Variants in HMCN1 observed in about 807,000 individuals in gnomAD.
HMCN1 encodes hemicentin 1.
Under a neutral mutation model 625.9 loss-of-function variants are expected in HMCN1, and 321 were observed. That is an observed-to-expected ratio of 0.51 (90% CI 0.47 to 0.56). The LOEUF (loss-of-function observed/expected upper bound fraction) is 0.56. HMCN1 is among the 20% of genes least tolerant of loss of function. The pLI, the probability that HMCN1 is intolerant of heterozygous loss-of-function variation, is 0.00. For synonymous variants in HMCN1, 2,425 were observed against 2,417.6 expected (o/e 1.00, Z -0.09); for missense variants, 6,588 against 6,887.3 (o/e 0.96, Z 1.54).
intron 97 of HMCN1, among the ~76,000 whole-genome samples, chr1:186,163,795 A>G (rs1651686643): frequency 6.6e-6 from 1 of 152,208 alleles, no homozygotes; most frequent in African/African-American, 2.4e-5. Flanking sequence ...GCAATATTGT[A>G]AAACCTGCCA....
chr1:186,048,887 T>C, intron 42 of HMCN1, 48 bp downstream of exon 42: 2 of 1,132,306 alleles, frequency 1.8e-6, no homozygotes, highest in South Asian at 1.2e-5. Context: ...TGTGGTTTTT[T>C]GTGTCACTTA....
chr1:185,890,253 A>G (rs1356041032), intron 4 of HMCN1, among the ~76,000 whole-genome samples: 4 of 148,254 alleles, frequency 2.7e-5, no homozygotes, highest in Middle Eastern at 3.4e-3. Context: ...GATCCTTTCA[A>G]AAAACCAGCT....
In HMCN1 at chr1:186,061,923, C is replaced by T; in HGVS notation, c.7385C>T (p.Ala2462Val). ...AGQYTCVVRN[A>V]AGEERKIFGL... The stretch of plus-strand genomic sequence containing the variant: ...CAATATACTTGCGTTGTAAGGAATG[C>T]AGCTGGTGAAGAAAGAAAAATCTTT... Residue 2462 changes from alanine (A) to valine (V), a missense_variant, in exon 47 of 107, where the codon GCA becomes GTA. Ala to Val is a moderately conservative substitution (Grantham distance 64, BLOSUM62 0). This residue lies in a region of HMCN1 where 4,628 missense variants were observed against 4,853.1 expected (regional missense o/e 0.95). Transcript: ENST00000271588. 6.2e-7 allele frequency: 1 copy of T among 1,612,580 alleles called. No individual in the cohort carries two copies. Among genetic ancestry groups the T allele is most frequent in the Non-Finnish European group, 8.5e-7 (1 of 1,178,816 alleles).
rs1558213680 is a variant in HMCN1 at position 186,088,718 on chromosome 1, G to A, written c.9690G>A (p.Glu3230=). 1 of 1,610,646 alleles carries A rather than the reference G, an allele frequency of 6.2e-7. No homozygotes were observed. The change falls in exon 63 of 107, where the codon GAG becomes GAA. Residue 3230 remains glutamate (E), a synonymous_variant. Transcript: ENST00000271588. The part of the protein sequence containing the change: ...GNYTCIASNM[E]GKAQKYYFLS... ...ATACATGTATTGCTTCAAATATGGA[G>A]GGAAAAGCCCAGAAATATTACTTTC...
chr1:185,784,480 C>T (rs138972370), intron 1 of HMCN1, among the ~76,000 whole-genome samples: 17 of 152,146 alleles, frequency 1.1e-4, no homozygotes, highest in East Asian at 3.9e-4. Flanking sequence ...TGTTCCTGTT[C>T]GGCCATCTTG....
intron 1 of HMCN1, among the ~76,000 whole-genome samples, chr1:185,787,166 T>A (rs147775875): frequency 0.05 from 7,592 of 151,806 alleles, 579 homozygotes; most frequent in African/African-American, 0.17. Context: ...TGTGTGTGTG[T>A]GTGTGTGTGT....
chr1:186,174,462 A>T, intron 102 of HMCN1, 52 bp from the exon 103 acceptor site: 1 of 1,606,070 alleles, frequency 6.2e-7, no homozygotes, highest in Non-Finnish European at 8.5e-7. Flanking sequence ...AAATACAATG[A>T]CTTTGGGTTT....
At chr1:185,779,665 G>A (rs544892900) in intron 1 of HMCN1, among the ~76,000 whole-genome samples, 3 of 152,198 alleles carry the variant, frequency 2.0e-5, no homozygotes, top group South Asian at 4.1e-4. Context: ...ATAGATGTGT[G>A]GTATTATTAC....
intron 11 of HMCN1, among the ~76,000 whole-genome samples, chr1:185,936,210 T>C (rs895717168): frequency 2.6e-5 from 4 of 152,046 alleles, no homozygotes; most frequent in Non-Finnish European, 5.9e-5. Context: ...TTTTACAAAA[T>C]ATAATTAGCA....
intron 98 of HMCN1, 74 bp from the exon 99 acceptor site, chr1:186,166,107 ATTT>A: frequency 6.4e-7 from 1 of 1,562,562 alleles, no homozygotes; most frequent in South Asian, 1.1e-5. Flanking sequence ...ATAAGCAGTT[ATTT>A]TTACTGGCTT....
chr1:186,086,505 C>T (rs1164732606), intron 58 of HMCN1, 98 bp downstream of exon 58: 2 of 1,272,288 alleles, frequency 1.6e-6, no homozygotes, highest in East Asian at 5.0e-5. Flanking sequence ...TTTTGTCGTG[C>T]TTCATTTATT....
In HMCN1 at chr1:185,919,055, G is replaced by A. The variant is rs1201055811; in HGVS notation, c.901-3324G>A. ...AGAAAGACATTAAGATAGTAATTTT[G>A]GCCTCACTAATTTTAGGACATATAT... On this transcript the variant is annotated intron_variant, in intron 6 of 106. Transcript: ENST00000271588. 2.0e-5 allele frequency among the ~76,000 whole-genome samples: 3 copies of A among 147,784 alleles called. No individual in the cohort carries two copies. The East Asian group carries it at 5.8e-4, about 29-fold the overall frequency.
chr1:185,978,467 T>G (rs1194258686), intron 16 of HMCN1, among the ~76,000 whole-genome samples: 1 of 152,192 alleles, frequency 6.6e-6, no homozygotes, highest in African/African-American at 2.4e-5. Flanking sequence ...TCAAATACTT[T>G]CTTATCTAAA....
intron 58 of HMCN1, 49 bp from the exon 59 acceptor site, chr1:186,087,168 T>A: frequency 8.5e-7 from 1 of 1,173,064 alleles, no homozygotes; most frequent in Non-Finnish European, 1.3e-6. Flanking sequence ...AAATAGTTGT[T>A]AGAACAACCT....
chr1:185,934,619 G>A (rs1186544564), intron 11 of HMCN1, among the ~76,000 whole-genome samples: 3 of 152,120 alleles, frequency 2.0e-5, no homozygotes, highest in Non-Finnish European at 4.4e-5. Flanking sequence ...AATTACTGTT[G>A]GCGGTTTTTC....
chr1:185,917,608 G>A (rs1666783420), intron 6 of HMCN1, among the ~76,000 whole-genome samples: 1 of 152,148 alleles, frequency 6.6e-6, no homozygotes, highest in African/African-American at 2.4e-5. Flanking sequence ...TCAACACTAG[G>A]CATGTGGATG....
At chr1:186,116,503 G>A (rs1453911431) in intron 75 of HMCN1, among the ~76,000 whole-genome samples, 1 of 151,736 alleles carries the variant, frequency 6.6e-6, no homozygotes, top group Non-Finnish European at 1.5e-5. Flanking sequence ...GACATGCAAA[G>A]TACATAAAGG....
At chr1:186,078,671 C>T (rs892928654) in intron 55 of HMCN1, among the ~76,000 whole-genome samples, 1 of 152,148 alleles carries the variant, frequency 6.6e-6, no homozygotes, top group Admixed American at 6.6e-5. Flanking sequence ...AGTTTTTTCT[C>T]CTAGTATTTA....
chr1:185,918,203 A>G, intron 6 of HMCN1, among the ~76,000 whole-genome samples: 1 of 152,148 alleles, frequency 6.6e-6, no homozygotes, highest in Non-Finnish European at 1.5e-5. Flanking sequence ...TCAAAAGCAG[A>G]GAAGCCGACA....
Sources: allele counts gnomAD v4.1 joint callset (sites outside exome capture counted in the v4.1 genomes callset), GRCh38; gene constraint gnomAD v4.1.1; regional missense constraint gnomAD v4.1.1; transcripts MANE v1.5; gene names NCBI Gene and HGNC (gene_info 2026-07-23, HGNC 2026-07-21).